Variants in TACC1 observed in about 807,000 individuals in gnomAD.
The protein encoded by TACC1 is transforming acidic coiled-coil-containing protein 1.
A neutral mutation model predicts 84.4 loss-of-function variants in TACC1; 48 were observed. That is an observed-to-expected ratio of 0.57 (90% CI 0.45 to 0.72). The LOEUF (loss-of-function observed/expected upper bound fraction) is 0.72, where lower values mean the gene tolerates loss of function less well. TACC1 is among the 30% of genes least tolerant of loss of function. The probability of loss-of-function intolerance (pLI) is 0.00; values close to 1 mark genes in which losing one functional copy is unlikely to be tolerated. For synonymous variants in TACC1, 372 were observed against 376.3 expected, an observed-to-expected ratio of 0.99 and a Z score of 0.13; for missense variants, 920 against 973.0, an observed-to-expected ratio of 0.95 and a Z score of 0.72.
chr8:38,837,544 G>C (rs538440380), intron 7 of TACC1, among the ~76,000 whole-genome samples: 26 of 152,196 alleles, frequency 1.7e-4, no homozygotes, highest in Non-Finnish European at 3.5e-4. Flanking sequence ...TCTTGCCTCA[G>C]CTGCCTGAGT....
chr8:38,784,156 G>A (rs1036319488), upstream of TACC1, among the ~76,000 whole-genome samples: 3 of 152,218 alleles, frequency 2.0e-5, no homozygotes, highest in African/African-American at 7.2e-5. Flanking sequence ...ACTAGGAGCA[G>A]CAGACTGAGA....
chr8:38,842,955 C>T (rs914935187), intron 10 of TACC1, among the ~76,000 whole-genome samples: 1 of 152,110 alleles, frequency 6.6e-6, no homozygotes, highest in Non-Finnish European at 1.5e-5. Flanking sequence ...AATGAAATGG[C>T]TTTATTTTCA....
At chr8:38,842,188 A>G in intron 9 of TACC1, 99 bp from the exon 10 acceptor site, 2 of 1,423,844 alleles carry the variant, frequency 1.4e-6, no homozygotes, top group Non-Finnish European at 1.9e-6. Context: ...ATTTGGTCAC[A>G]TCCCCGGCTG....
intron 2 of TACC1, among the ~76,000 whole-genome samples, chr8:38,798,419 G>A (rs1240212370): frequency 1.3e-5 from 2 of 152,144 alleles, no homozygotes; most frequent in African/African-American, 4.8e-5. Flanking sequence ...TAGAGTCTTA[G>A]GTTTTAGGGG....
At chr8:38,741,457 C>A (rs1807058700) in intron 1 of TACC1, among the ~76,000 whole-genome samples, 1 of 152,144 alleles carries the variant, frequency 6.6e-6, no homozygotes, top group Non-Finnish European at 1.5e-5. Context: ...CCGCGCCTGG[C>A]CCATGCTGTT....
At position 38,774,382 on chromosome 8, in the gene TACC1, A is replaced by G. The variant is rs930768637; in HGVS notation, c.27-14322A>G. 5.3e-5 allele frequency among the ~76,000 whole-genome samples: 8 copies of G among 152,204 alleles called. No individual in the cohort carries two copies. In the South Asian group the frequency reaches 6.2e-4, roughly 12 times the overall value. On this transcript the variant is annotated intron_variant, in intron 3 of 14. Coordinates refer to the TACC1 transcript ENST00000518415. ...TTTTGTTCAACACAGTGTTCAGCAG[A>G]GGCTGGCAAAGCTTGGTCATTTGTC... is the stretch of plus-strand genomic sequence containing the variant.
chr8:38,838,869 C>A (rs1830698491), intron 8 of TACC1, among the ~76,000 whole-genome samples: 2 of 152,088 alleles, frequency 1.3e-5, no homozygotes, highest in South Asian at 4.2e-4. Flanking sequence ...TAAGATTTAT[C>A]CAATGATAGA....
chr8:38,729,344 G>T (rs1345731832), intron 1 of TACC1, among the ~76,000 whole-genome samples: 1 of 152,192 alleles, frequency 6.6e-6, no homozygotes, highest in South Asian at 2.1e-4. Flanking sequence ...TGTCTTAAAC[G>T]TTTCTGTCTG....
Position 38,760,927 on chromosome 8 carries a change from A to G in TACC1, c.26+15434A>G, listed in dbSNP as rs140735077. Among the ~76,000 whole-genome samples the G allele has an allele frequency of 1.5e-3, 225 of 152,352 alleles. 1 individual carries two copies. The highest frequency in any genetic ancestry group is 5.3e-3 in the African/African-American group (220 of 41,588). On this transcript the variant is annotated intron_variant, in intron 3 of 14. Coordinates refer to the TACC1 transcript ENST00000518415. ...AACACATTTGCACATGTATGTACCC[A>G]TGAACCAGATGCCATGCTGGGCTCT...
intron 3 of TACC1, among the ~76,000 whole-genome samples, chr8:38,753,864 C>A (rs1191049664): frequency 7.0e-6 from 1 of 143,598 alleles, no homozygotes; most frequent in Non-Finnish European, 1.5e-5. Context: ...AATTTCTCTG[C>A]AACACAAGAG....
intron 3 of TACC1, among the ~76,000 whole-genome samples, chr8:38,747,948 T>C (rs1029814646): frequency 1.2e-4 from 19 of 152,066 alleles, no homozygotes; most frequent in African/African-American, 4.3e-4. Context: ...GCCATATGTG[T>C]AGGGGTAGGG....
chr8:38,790,760 T>G (rs925086679), intron 2 of TACC1, among the ~76,000 whole-genome samples: 1 of 152,230 alleles, frequency 6.6e-6, no homozygotes, highest in Non-Finnish European at 1.5e-5. Flanking sequence ...TTGCTTTAAA[T>G]TGATAGCTCC....
At chr8:38,785,841 CAATT>C (rs996502012), upstream of TACC1, 20 of 453,922 alleles carry the variant, frequency 4.4e-5, no homozygotes, top group African/African-American at 4.0e-4. Context: ...ACACTCATGA[CAATT>C]TATTTCTGGG....
intron 3 of TACC1, among the ~76,000 whole-genome samples, chr8:38,770,142 C>A (rs1813286340): frequency 1.3e-5 from 2 of 151,956 alleles, no homozygotes; most frequent in Admixed American, 6.5e-5. Flanking sequence ...TCCTTCCTCA[C>A]AGAGCAGCGC....
intron 3 of TACC1, among the ~76,000 whole-genome samples, chr8:38,779,266 T>C (rs1200323065): frequency 6.6e-6 from 1 of 152,228 alleles, no homozygotes; most frequent in African/African-American, 2.4e-5. Context: ...GATGCCACTA[T>C]GCCTGGCTGA....
chr8:38,825,228 C>G (rs1289703745), intron 3 of TACC1, 80 bp from the exon 4 acceptor site: 7 of 1,465,900 alleles, frequency 4.8e-6, no homozygotes, highest in Non-Finnish European at 6.7e-6. Context: ...TCCGCACACA[C>G]TGCTGTCTGC....
intron 1 of TACC1, among the ~76,000 whole-genome samples, chr8:38,735,375 A>T (rs1314092926): frequency 5.3e-5 from 8 of 152,158 alleles, no homozygotes; most frequent in Admixed American, 5.2e-4. Context: ...ATTTGGCCTT[A>T]GAAATCACTC....
chr8:38,743,754 G>A (rs1290405172), intron 2 of TACC1, among the ~76,000 whole-genome samples: 3 of 152,214 alleles, frequency 2.0e-5, no homozygotes, highest in South Asian at 4.1e-4. Flanking sequence ...AGGCTTAATG[G>A]CTCATGCCTG....
At chr8:38,829,610 C>G (rs1828817010) in intron 5 of TACC1, among the ~76,000 whole-genome samples, 1 of 152,280 alleles carries the variant, frequency 6.6e-6, no homozygotes, top group South Asian at 2.1e-4. Flanking sequence ...TATAAACTTA[C>G]TGAGGTTAGA....
Sources: allele counts gnomAD v4.1 joint callset (sites outside exome capture counted in the v4.1 genomes callset), GRCh38; gene constraint gnomAD v4.1.1; transcripts MANE v1.5; gene names NCBI Gene and HGNC (gene_info 2026-07-23, HGNC 2026-07-21).